The following LAMC3 variants were observed in gnomAD, a reference collection of about 807,000 sequenced individuals.
The protein encoded by LAMC3 is laminin subunit gamma-3.
A neutral mutation model predicts 173.8 loss-of-function variants in LAMC3; 128 were observed. That is an observed-to-expected ratio of 0.74 (90% CI 0.64 to 0.85). The LOEUF is 0.85. Among genes scored for constraint, LAMC3 ranks in the 40% least tolerant of loss-of-function variants. LAMC3 has a pLI of 0.00. For synonymous variants in LAMC3, 897 were observed against 909.1 expected (o/e 0.99, Z 0.24); for missense variants, 2,022 against 2,156.0 (o/e 0.94, Z 1.23).
intron 24 of LAMC3, 21 bp from the exon 25 acceptor site, chr9:131,085,503 C>A: frequency 6.2e-7 from 1 of 1,613,302 alleles, no homozygotes; most frequent in South Asian, 1.1e-5. Context: ...TCCCCTGACC[C>A]AGCCTCAGCC....
intron 6 of LAMC3, 137 bp downstream of exon 6, chr9:131,039,385 G>A: frequency 1.3e-6 from 1 of 754,360 alleles, no homozygotes; most frequent in South Asian, 1.5e-5. Flanking sequence ...GTGAAGACTA[G>A]AGACACTCAG....
Position 131,026,178 on chromosome 9 carries a change from C to A in LAMC3, c.374-107C>A, listed in dbSNP as rs940037449. The A allele has an allele frequency of 5.8e-6, 9 of 1,555,982 alleles. No individual in the cohort carries two copies. The African/African-American group carries it at 1.2e-4, about 21-fold the overall frequency. ...GTCCAGAGCTCCAGACAGCTTCCAG[C>A]GATCCATCCACGCTAGTGCCTGCAA... On this transcript the variant is annotated intron_variant, in intron 1 of 27. Coordinates refer to ENST00000361069, the MANE Select transcript of LAMC3 (RefSeq NM_006059.4). This position sits in a 1 kb window ranked among gnomAD's most constrained non-coding sequence, Gnocchi z 4.8.
intron 2 of LAMC3, 87 bp from the exon 3 acceptor site, chr9:131,031,958 A>G: frequency 6.2e-7 from 1 of 1,609,926 alleles, no homozygotes; most frequent in Non-Finnish European, 8.5e-7. Flanking sequence ...CTCCCGGGGC[A>G]GCCAGCTGGA....
chr9:131,043,274 C>T (rs907174410), intron 7 of LAMC3, among the ~76,000 whole-genome samples: 7 of 152,212 alleles, frequency 4.6e-5, no homozygotes, highest in East Asian at 3.8e-4. Flanking sequence ...TCCAGCAGTG[C>T]GGCCAGCAGA....
At chr9:131,027,512 C>T (rs1051157433) in intron 2 of LAMC3, among the ~76,000 whole-genome samples, 7 of 152,152 alleles carry the variant, frequency 4.6e-5, no homozygotes, top group East Asian at 1.9e-4. Flanking sequence ...TGACGGAAAG[C>T]GCCTCTAGCT....
chr9:131,090,365 C>T (rs997105955), intron 27 of LAMC3, among the ~76,000 whole-genome samples: 1 of 152,216 alleles, frequency 6.6e-6, no homozygotes, highest in Non-Finnish European at 1.5e-5. Context: ...GAGCCCTAGG[C>T]AGCCTGGGCA....
rs1018610623 is a variant in LAMC3, at chr9:131,052,839, T to C, written c.1824-11T>C. 1 of 1,584,570 alleles carries C rather than the reference T, an allele frequency of 6.3e-7. No individual in the cohort carries two copies. ...ATGTCGGGATCTCACTTTGACCGCT[T>C]CTCTCGCCAGCCTGCAGGAGACCTC... On this transcript the variant is annotated splice_polypyrimidine_tract_variant and intron_variant, in intron 10 of 27. Transcript: ENST00000361069.
intron 20 of LAMC3, 85 bp downstream of exon 20, chr9:131,073,406 C>T: frequency 2.9e-6 from 3 of 1,026,806 alleles, no homozygotes; most frequent in East Asian, 2.4e-5. Context: ...GTGCCCCCAC[C>T]CAGAAGTTGG....
chr9:131,085,871 G>C lies in LAMC3; in HGVS notation c.4230+148G>C, dbSNP rs796546652. The C allele has an allele frequency of 6.5e-6, 5 of 772,408 alleles. No individual in the cohort carries two copies. The African/African-American group carries it at 8.6e-5, about 13-fold the overall frequency. 47.8% of individuals were successfully genotyped at this position (772,408 alleles called of 1,614,324 possible). On this transcript the variant is annotated intron_variant, in intron 25 of 27. Transcript: ENST00000361069. ...GCAATTAGCTCAGAGACTTCACGGG[G>C]GTGAGTCTGTGGGTTCCTCACGAAA...
chr9:131,031,483 A>G (rs564570709), intron 2 of LAMC3, among the ~76,000 whole-genome samples: 16 of 152,306 alleles, frequency 1.1e-4, no homozygotes, highest in Admixed American at 9.1e-4. Flanking sequence ...TGACCTGTCC[A>G]CAGGAGCCTG....
Position 131,069,656 on chromosome 9 carries a change from C to T in LAMC3, c.2891-16C>T. 1.3e-6 allele frequency: 2 copies of T among 1,595,690 alleles called. No individual in the cohort carries two copies. The highest frequency in any genetic ancestry group is 1.7e-6 in the Non-Finnish European group (2 of 1,172,680). ...GCCCCTCTAAACCCAGCACGCACTG[C>T]CCCTGGCCCCTCTAGCCTGCAGGTG... is the stretch of plus-strand genomic sequence containing the variant. On this transcript the variant is annotated splice_polypyrimidine_tract_variant and intron_variant, in intron 16 of 27. Transcript: ENST00000361069.
At chr9:131,081,907 A>C (rs1588169310) in intron 23 of LAMC3, 152 bp from the exon 24 acceptor site, 2 of 671,384 alleles carry the variant, frequency 3.0e-6, no homozygotes, top group East Asian at 5.5e-5. Flanking sequence ...ATAATAACAC[A>C]GATCAGGTGC....
chr9:131,013,207 C>T (rs1470619666), intron 1 of LAMC3, among the ~76,000 whole-genome samples: 1 of 152,180 alleles, frequency 6.6e-6, no homozygotes, highest in Non-Finnish European at 1.5e-5. Context: ...TAAATGGTGG[C>T]CCCCGGGACC....
chr9:131,079,267 C>T lies in LAMC3; in HGVS notation c.3896C>T (p.Ala1299Val), dbSNP rs766329966. The T allele has an allele frequency of 2.5e-5, 40 of 1,614,188 alleles. No individual in the cohort carries two copies. In the East Asian group the frequency reaches 4.5e-4, roughly 18 times the overall value. The change falls in exon 23 of 28, where the codon GCG becomes GTG. Residue 1299 changes from alanine to valine, a missense_variant. Transcript: ENST00000361069. ...CGAACCCTCCAGACTGCTGCCCAGG[C>T]GACGCTACGGCAAACAGAACCCCTC... ...AARTLQTAAQ[A>V]TLRQTEPLTK...
intron 13 of LAMC3, among the ~76,000 whole-genome samples, chr9:131,062,276 G>A (rs1407842367): frequency 2.0e-5 from 3 of 151,910 alleles, no homozygotes; most frequent in African/African-American, 7.3e-5. Context: ...CAGGAGAATC[G>A]CATGAACCCA....
At chr9:131,025,497 G>T (rs2133224562) in intron 1 of LAMC3, among the ~76,000 whole-genome samples, 2 of 152,254 alleles carry the variant, frequency 1.3e-5, no homozygotes, top group East Asian at 3.9e-4. Context: ...TAAAGCCCAG[G>T]GAAGGGAGAG....
At position 131,093,080 on chromosome 9, in the gene LAMC3, T is replaced by C; in HGVS notation, c.*1293T>C. ...CTGGGCAGGGTGGTGTGCCTCACCCTCCCCGGCTGGTGGGCAGCCAGGGCC... is the reference window on the plus strand; with the variant it reads ...CTGGGCAGGGTGGTGTGCCTCACCCCCCCCGGCTGGTGGGCAGCCAGGGCC... On this transcript the variant is annotated 3_prime_UTR_variant, in exon 28 of 28. Coordinates refer to ENST00000361069, the MANE Select transcript of LAMC3 (RefSeq NM_006059.4). 1 of 152,180 alleles carries C rather than the reference T, an allele frequency of 6.6e-6. No homozygotes were observed. Among genetic ancestry groups the C allele is most frequent in the Non-Finnish European group, 1.5e-5 (1 of 68,056 alleles). 9.4% of individuals were successfully genotyped at this position (152,180 alleles called of 1,614,324 possible).
At chr9:131,089,544 ATTT>A (rs59946569) in intron 27 of LAMC3, among the ~76,000 whole-genome samples, 249 of 139,128 alleles carry the variant, frequency 1.8e-3, no homozygotes, top group South Asian at 3.0e-3. Context: ...CACCCAGCTA[ATTT>A]TTTTTTTTTT....
chr9:131,052,815 T>C, intron 10 of LAMC3, 35 bp from the exon 11 acceptor site: 2 of 1,013,910 alleles, frequency 2.0e-6, no homozygotes, highest in South Asian at 1.3e-5. Context: ...CCCCACCCTA[T>C]GTCGGGATCT....
Sources: gnomAD v4.1 joint callset for allele counts (sites outside exome capture counted in the v4.1 genomes callset) on GRCh38, gnomAD v4.1.1 for gene constraint, Gnocchi (gnomAD v3.1) non-coding constraint, MANE v1.5 for transcripts, NCBI Gene and HGNC (gene_info 2026-07-23, HGNC 2026-07-21) for gene names.